The following KPNA6 variants were observed in gnomAD, a reference collection of about 807,000 sequenced individuals.
KPNA6 encodes the protein karyopherin subunit alpha 6, also known as importin subunit alpha-7.
KPNA6 carries 9 observed loss-of-function variants against 72.0 expected under a neutral mutation model. That is an observed-to-expected ratio of 0.13 (90% CI 0.08 to 0.22). KPNA6 has a LOEUF of 0.22. Ranked by LOEUF, KPNA6 falls within the 10% of genes least tolerant of loss-of-function variation. KPNA6 has a pLI of 1.00. For synonymous variants in KPNA6, 219 were observed against 242.1 expected (o/e 0.90, Z 0.89); for missense variants, 374 against 655.7 (o/e 0.57, Z 4.69).
intron 10 of KPNA6, among the ~76,000 whole-genome samples, chr1:32,165,025 A>G (rs562850669): frequency 6.0e-4 from 91 of 152,142 alleles, no homozygotes; most frequent in Non-Finnish European, 1.1e-3. Context: ...CAGCCTCCCA[A>G]GTAGCTGGGA....
chr1:32,123,937 G>A (rs1641483386), intron 1 of KPNA6, among the ~76,000 whole-genome samples: 2 of 150,644 alleles, frequency 1.3e-5, no homozygotes, highest in East Asian at 3.9e-4. Context: ...AGGAGGCTGA[G>A]GCAGGAGAAT....
At chr1:32,124,807 G>A (rs764889842) in intron 1 of KPNA6, among the ~76,000 whole-genome samples, 6 of 142,708 alleles carry the variant, frequency 4.2e-5, no homozygotes, top group Admixed American at 7.2e-5. Context: ...GTGTTCGGCC[G>A]GCCTCGTCTT....
chr1:32,136,192 T>G (rs1641732835), intron 1 of KPNA6, among the ~76,000 whole-genome samples: 1 of 151,790 alleles, frequency 6.6e-6, no homozygotes, highest in South Asian at 2.1e-4. Context: ...TTTTTTTTTT[T>G]TGAGATGGAG....
chr1:32,175,184 T>C lies in KPNA6; in HGVS notation c.*4290T>C, dbSNP rs1642505348. On this transcript the variant is annotated 3_prime_UTR_variant, in exon 14 of 14. Transcript: ENST00000373625. ...TTTTTTCTCTGCAAGGGCGCTTTGCTTCAGGTCTGGGCTATGTGCAGAACC... is the reference window on the plus strand; with the variant it reads ...TTTTTTCTCTGCAAGGGCGCTTTGCCTCAGGTCTGGGCTATGTGCAGAACC... The C allele has an allele frequency of 6.6e-6, 1 of 152,276 alleles. No individual in the cohort carries two copies. Among genetic ancestry groups the C allele is most frequent in the East Asian group, 1.9e-4 (1 of 5,208 alleles). The allele number at this position is 152,276 out of a possible 1,614,324, so 9.4% of individuals were successfully genotyped here.
rs1642246573 is a variant in KPNA6, at chr1:32,162,040, T to C, written c.741T>C (p.Phe247=). The C allele has an allele frequency of 6.2e-7, 1 of 1,613,542 alleles. No homozygotes were observed. The highest frequency in any genetic ancestry group is 1.1e-5 in the South Asian group (1 of 91,000). The stretch of plus-strand genomic sequence containing the variant: ...GAGGGAAAAACCCACCCCCAGAGTT[T>C]GCAAAGGTGAGAGAGCTACTTACTA... ...LCRGKNPPPE[F]AKVSPCLPVL... The change falls in exon 8 of 14, where the codon TTT becomes TTC. Residue 247 remains phenylalanine, a synonymous_variant. Coordinates refer to ENST00000373625, the MANE Select transcript of KPNA6 (RefSeq NM_012316.5).
intron 1 of KPNA6, among the ~76,000 whole-genome samples, chr1:32,127,231 T>G (rs1193582570): frequency 6.6e-6 from 1 of 152,238 alleles, no homozygotes; most frequent in Non-Finnish European, 1.5e-5. Flanking sequence ...TCAGTTCACC[T>G]GACCTCCAAA....
rs1207300993 is a variant in KPNA6 at position 32,119,741 on chromosome 1, G to T, written c.4+11607G>T. Among the ~76,000 whole-genome samples, 3 of 98,014 alleles carry T rather than the reference G, an allele frequency of 3.1e-5. No individual in the cohort carries two copies. The South Asian group carries it at 1.2e-3, about 39-fold the overall frequency. The allele number at this position is 98,014 out of a possible 152,430, so 64.3% of individuals were successfully genotyped here. On this transcript the variant is annotated intron_variant, in intron 1 of 13. Transcript: ENST00000373625. ...TCTCCCTCTTGAAGCTGGAAATCTG[G>T]AATTTTTTTTTTTTTTTTTTTGAGA...
At chr1:32,132,893 A>G (rs1343409637) in intron 1 of KPNA6, among the ~76,000 whole-genome samples, 1 of 151,222 alleles carries the variant, frequency 6.6e-6, no homozygotes, top group Non-Finnish European at 1.5e-5. Flanking sequence ...ACAGAGCGAG[A>G]CTCCGTCTCA....
intron 1 of KPNA6, among the ~76,000 whole-genome samples, chr1:32,110,311 C>T (rs1028656903): frequency 1.3e-5 from 2 of 151,830 alleles, no homozygotes; most frequent in African/African-American, 4.8e-5. Context: ...GTGATCTGCC[C>T]GTCTCGGCCT....
intron 1 of KPNA6, among the ~76,000 whole-genome samples, chr1:32,152,883 G>C (rs752715652): frequency 1.7e-4 from 26 of 150,672 alleles, no homozygotes; most frequent in Non-Finnish European, 3.0e-5. Flanking sequence ...TTAGCCCTGC[G>C]TGCACACCTG....
chr1:32,155,900 G>A (rs1052006158), intron 2 of KPNA6, among the ~76,000 whole-genome samples: 8 of 148,922 alleles, frequency 5.4e-5, no homozygotes, highest in Admixed American at 2.0e-4. Context: ...CACCACGCCC[G>A]GCTAATTTTT....
At chr1:32,135,372 AT>A (rs1195668073) in intron 1 of KPNA6, among the ~76,000 whole-genome samples, 1 of 151,256 alleles carries the variant, frequency 6.6e-6, no homozygotes, top group Non-Finnish European at 1.5e-5. Context: ...TGGCCAATTT[AT>A]TTTTAGTAGA....
intron 10 of KPNA6, among the ~76,000 whole-genome samples, chr1:32,164,565 T>G (rs765811491): frequency 2.6e-5 from 3 of 115,804 alleles, no homozygotes; most frequent in African/African-American, 1.2e-4. Context: ...TGTTTTTTGT[T>G]TTTTTTTTGA....
chr1:32,128,383 G>GTATTTATATATATATATATA (rs1641571064), intron 1 of KPNA6, among the ~76,000 whole-genome samples: 1 of 33,190 alleles, frequency 3.0e-5, no homozygotes, highest in East Asian at 7.7e-4. Context: ...TATTATATAT[G>GTATTTATATATATATATATA]TATTTATATA....
chr1:32,149,208 T>C (rs543916742), intron 1 of KPNA6, among the ~76,000 whole-genome samples: 24 of 152,098 alleles, frequency 1.6e-4, no homozygotes, highest in Non-Finnish European at 2.8e-4. Context: ...TTTGTTTGGT[T>C]CCTTTTTATA....
Position 32,155,628 on chromosome 1 carries a change from G to A in KPNA6, c.138+907G>A, listed in dbSNP as rs914963654. On this transcript the variant is annotated intron_variant, in intron 2 of 13. Transcript: ENST00000373625. ...TTACAGGCGTAAGCCACCACGCCCA[G>A]CCTGAGACTATAATAATGCCTCACC... is the stretch of plus-strand genomic sequence containing the variant. Among the ~76,000 whole-genome samples the A allele has an allele frequency of 2.0e-5, 3 of 151,812 alleles. No homozygotes were observed. In the East Asian group the frequency reaches 5.8e-4, roughly 29 times the overall value.
chr1:32,143,083 GTC>G (rs1641868838), intron 1 of KPNA6: 17 of 996,278 alleles, frequency 1.7e-5, no homozygotes, highest in Non-Finnish European at 2.4e-5. Flanking sequence ...TACTCTGTTA[GTC>G]TCACAGGGAT....
chr1:32,169,876 C>T lies in KPNA6; in HGVS notation c.1245-6C>T. The T allele has an allele frequency of 6.2e-7, 1 of 1,612,814 alleles. No individual in the cohort carries two copies. The highest frequency in any genetic ancestry group is 8.5e-7 in the Non-Finnish European group (1 of 1,179,156). ...GTTTAGCACTTGCCTGGTCTCTGGC[C>T]CCTAGGTACCTGGTCTCACTGGGCT... On this transcript the variant is annotated splice_polypyrimidine_tract_variant and splice_region_variant and intron_variant, in intron 12 of 13. Transcript: ENST00000373625.
intron 5 of KPNA6, 22 bp downstream of exon 5, chr1:32,158,383 T>A: frequency 6.6e-7 from 1 of 1,508,444 alleles, no homozygotes; most frequent in Non-Finnish European, 9.2e-7. Context: ...AGGGAAGGGG[T>A]TTGTTTTGTC....
Sources: allele counts gnomAD v4.1 joint callset (sites outside exome capture counted in the v4.1 genomes callset), GRCh38; gene constraint gnomAD v4.1.1; transcripts MANE v1.5; gene names NCBI Gene and HGNC (gene_info 2026-07-23, HGNC 2026-07-21).